Variants in TUSC3 observed in about 807,000 individuals in gnomAD.
TUSC3 encodes tumor suppressor candidate 3.
Under a neutral mutation model 44.8 loss-of-function variants are expected in TUSC3, and 45 were observed. The ratio of observed to expected loss-of-function variants is 1.00; its 90% confidence interval spans 0.79 to 1.29. TUSC3 has a LOEUF of 1.29. TUSC3 is among the 50% of genes most tolerant of loss of function. The probability of loss-of-function intolerance (pLI) is 0.00; values close to 1 mark genes in which losing one functional copy is unlikely to be tolerated. For synonymous variants in TUSC3, 212 were observed against 152.9 expected (o/e 1.39, Z -2.85); for missense variants, 519 against 437.9 (o/e 1.19, Z -1.65).
At chr8:15,820,310 CTTTTTTT>C in the TUSC3 span, among the ~76,000 whole-genome samples, 1 of 97,572 alleles carries the variant, frequency 1.0e-5, no homozygotes, top group Admixed American at 1.1e-4. Flanking sequence ...ATCTGTAATT[CTTTTTTT>C]TTTTTTTTTT....
intron 1 of TUSC3, among the ~76,000 whole-genome samples, chr8:15,423,815 T>C (rs372932080): frequency 6.6e-6 from 1 of 152,076 alleles, no homozygotes; most frequent in Non-Finnish European, 1.5e-5. Context: ...TCTCGCTGTC[T>C]GGAGCCCTCA....
At chr8:15,841,483 T>C in the TUSC3 span, among the ~76,000 whole-genome samples, 3 of 152,256 alleles carry the variant, frequency 2.0e-5, no homozygotes, top group South Asian at 6.2e-4. Context: ...CTAATTATAA[T>C]GCAAAGAATT....
At chr8:15,703,198 G>C (rs1809478121) in intron 6 of TUSC3, among the ~76,000 whole-genome samples, 1 of 152,142 alleles carries the variant, frequency 6.6e-6, no homozygotes, top group African/African-American at 2.4e-5. Flanking sequence ...ATGTTATAGA[G>C]AAAGTATCAG....
At chr8:15,555,902 C>A (rs1802243756) in intron 1 of TUSC3, among the ~76,000 whole-genome samples, 1 of 151,078 alleles carries the variant, frequency 6.6e-6, no homozygotes, top group African/African-American at 2.4e-5. Flanking sequence ...ATTTATAGTT[C>A]TCTGATAAAA....
At chr8:15,534,370 G>A (rs554258493) in intron 2 of TUSC3, among the ~76,000 whole-genome samples, 8 of 152,178 alleles carry the variant, frequency 5.3e-5, no homozygotes, top group South Asian at 4.1e-4. Flanking sequence ...CGGGCTGGGC[G>A]CGGTGACGCA....
chr8:15,727,821 C>A (rs368886353), intron 6 of TUSC3, among the ~76,000 whole-genome samples: 8 of 152,294 alleles, frequency 5.3e-5, no homozygotes, highest in Middle Eastern at 3.4e-3. Flanking sequence ...TGATCACTTA[C>A]ACTATTGTAT....
chr8:15,708,893 G>T (rs141909200), intron 6 of TUSC3, among the ~76,000 whole-genome samples: 1 of 151,866 alleles, frequency 6.6e-6, no homozygotes, highest in Non-Finnish European at 1.5e-5. Context: ...GAAAAGATCT[G>T]TGTGGAGTTA....
intron 1 of TUSC3, among the ~76,000 whole-genome samples, chr8:15,593,233 G>C (rs965398464): frequency 6.6e-6 from 1 of 151,806 alleles, no homozygotes; most frequent in African/African-American, 2.4e-5. Context: ...TTATTGGCTC[G>C]TGCCACCACA....
intron 1 of TUSC3, among the ~76,000 whole-genome samples, chr8:15,430,534 C>A (rs1260222824): frequency 6.6e-6 from 1 of 150,938 alleles, no homozygotes; most frequent in Non-Finnish European, 1.5e-5. Context: ...ACTGAATGGG[C>A]AAAAACTGGA....
intron 4 of TUSC3, among the ~76,000 whole-genome samples, chr8:15,661,141 G>T (rs1359618440): frequency 6.6e-6 from 1 of 151,776 alleles, no homozygotes; most frequent in East Asian, 1.9e-4. Flanking sequence ...AAAAATTAGG[G>T]TGAATTGCAT....
chr8:15,746,811 A>G (rs1317879450), intron 8 of TUSC3, among the ~76,000 whole-genome samples: 1 of 152,152 alleles, frequency 6.6e-6, no homozygotes, highest in Admixed American at 6.6e-5. Context: ...GGAAGTATAG[A>G]GTAAATAATT....
At chr8:15,427,806 A>G (rs908115748) in intron 1 of TUSC3, among the ~76,000 whole-genome samples, 5 of 152,032 alleles carry the variant, frequency 3.3e-5, no homozygotes, top group African/African-American at 1.2e-4. Flanking sequence ...CTTTGTTGTC[A>G]TACTCAAAAA....
chr8:15,606,751 G>C (rs925408112), intron 1 of TUSC3, among the ~76,000 whole-genome samples: 7 of 151,826 alleles, frequency 4.6e-5, no homozygotes, highest in African/African-American at 1.7e-4. Flanking sequence ...TATTTCTTTA[G>C]GATAAATTCC....
At chr8:15,806,556 C>A in the TUSC3 span, 1 of 1,447,756 alleles carries the variant, frequency 6.9e-7, no homozygotes, top group South Asian at 1.1e-5. Context: ...CAGAGCTCTT[C>A]ATTTCCCATA....
chr8:15,497,942 T>C (rs184422482), intron 2 of TUSC3, among the ~76,000 whole-genome samples: 28 of 152,034 alleles, frequency 1.8e-4, no homozygotes, highest in East Asian at 5.8e-4. Flanking sequence ...AGAGATGGGG[T>C]TTCACCATGT....
intron 6 of TUSC3, among the ~76,000 whole-genome samples, chr8:15,726,585 C>A (rs188050711): frequency 1.3e-5 from 2 of 152,246 alleles, no homozygotes; most frequent in African/African-American, 2.4e-5. Flanking sequence ...CTGGCCGGAT[C>A]ACTTGAGGTC....
chr8:15,612,954 T>G (rs1252715580), intron 1 of TUSC3, among the ~76,000 whole-genome samples: 1 of 151,810 alleles, frequency 6.6e-6, no homozygotes, highest in Non-Finnish European at 1.5e-5. Context: ...CAGTTAATGT[T>G]CACAGAAACA....
intron 10 of TUSC3, among the ~76,000 whole-genome samples, chr8:15,762,935 G>A (rs569876165): frequency 6.6e-6 from 1 of 151,916 alleles, no homozygotes; most frequent in Non-Finnish European, 1.5e-5. Flanking sequence ...CTTATCGTAC[G>A]CTTTATTCGT....
the TUSC3 span, among the ~76,000 whole-genome samples, chr8:15,801,121 TAGAC>T: frequency 1.3e-5 from 2 of 152,200 alleles, no homozygotes. Context: ...GGCTACTCCA[TAGAC>T]AGAGCACCCA....
Sources: allele counts gnomAD v4.1 joint callset (sites outside exome capture counted in the v4.1 genomes callset), GRCh38; gene constraint gnomAD v4.1.1; transcripts MANE v1.5; gene names NCBI Gene and HGNC (gene_info 2026-07-23, HGNC 2026-07-21).